Variants in ZC3HAV1 observed in about 807,000 individuals in gnomAD.
The protein encoded by ZC3HAV1 is zinc finger CCCH-type containing, antiviral 1.
Under a neutral mutation model 86.6 loss-of-function variants are expected in ZC3HAV1, and 41 were observed. The observed-to-expected ratio is 0.47, with a 90% confidence interval of 0.37 to 0.61. The LOEUF is 0.61. Among genes scored for constraint, ZC3HAV1 ranks in the 20% least tolerant of loss-of-function variants. ZC3HAV1 has a pLI of 0.00. For synonymous variants in ZC3HAV1, 421 were observed against 432.1 expected, an observed-to-expected ratio of 0.97 and a Z score of 0.32; for missense variants, 964 against 1,141.1, an observed-to-expected ratio of 0.84 and a Z score of 2.24.
chr7:139,101,369 C>T (rs1817756813), intron 1 of ZC3HAV1, among the ~76,000 whole-genome samples: 2 of 146,098 alleles, frequency 1.4e-5, no homozygotes, highest in Non-Finnish European at 3.0e-5. Flanking sequence ...AGCGCCTCTT[C>T]CCGGCCGCCA....
intron 12 of ZC3HAV1, among the ~76,000 whole-genome samples, chr7:139,050,871 T>C (rs1025247609): frequency 2.0e-5 from 3 of 152,202 alleles, no homozygotes; most frequent in African/African-American, 7.2e-5. Flanking sequence ...AATAAATTCA[T>C]TCCCCAGCTT....
At position 139,075,922 on chromosome 7, in the gene ZC3HAV1, C is replaced by T. The variant is rs374170021; in HGVS notation, c.1697+364G>A. 9.8e-5 allele frequency among the ~76,000 whole-genome samples: 15 copies of T among 152,318 alleles called. No homozygotes were observed. In the South Asian group the frequency reaches 1.2e-3, roughly 13 times the overall value. ...CTCTTTTGTCCTAAATCATTTAGTA[C>T]TTTTAATAGTTCTGTGATGAACTGA... On this transcript the variant is annotated intron_variant, in intron 6 of 12. Transcript: ENST00000242351.
At position 139,045,082 on chromosome 7, in the gene ZC3HAV1, A is replaced by C. The variant is rs1563120083; in HGVS notation, c.*2512T>G. ...AGGTCTTCAGTTACAGCTGTGCCCA[A>C]GTTAGGTACCTTTTATTTCCTCTTT... On this transcript the variant is annotated 3_prime_UTR_variant, in exon 13 of 13. Transcript: ENST00000242351. 6.6e-6 allele frequency: 1 copy of C among 152,160 alleles called. No individual in the cohort carries two copies. Among genetic ancestry groups the C allele is most frequent in the Non-Finnish European group, 1.5e-5 (1 of 68,036 alleles). The allele number at this position is 152,160 out of a possible 1,614,324, so 9.4% of individuals were successfully genotyped here.
At chr7:139,107,713 G>T (rs1817976110) in intron 1 of ZC3HAV1, among the ~76,000 whole-genome samples, 1 of 152,228 alleles carries the variant, frequency 6.6e-6, no homozygotes, top group East Asian at 1.9e-4. Flanking sequence ...TGAGGCAGGA[G>T]AATCGCTTGA....
Position 139,084,051 on chromosome 7 carries a change from A to G in ZC3HAV1, c.445-19T>C. ...TGCATATCTACAGAAGGGAGAAACA[A>G]CAGCCAGAGTCAAAACACCTTCTTG... On this transcript the variant is annotated intron_variant, in intron 2 of 12. Coordinates refer to ENST00000242351, the MANE Select transcript of ZC3HAV1 (RefSeq NM_020119.4). 2.5e-6 allele frequency: 4 copies of G among 1,605,792 alleles called. No individual in the cohort carries two copies. The highest frequency in any genetic ancestry group is 1.7e-5 in the Admixed American group (1 of 59,856).
intron 2 of ZC3HAV1, among the ~76,000 whole-genome samples, chr7:139,084,969 T>TG (rs1391188634): frequency 6.6e-6 from 1 of 152,210 alleles, no homozygotes; most frequent in East Asian, 1.9e-4. Context: ...TTTTGCCACA[T>TG]GGATAATCGC....
intron 9 of ZC3HAV1, among the ~76,000 whole-genome samples, chr7:139,058,219 T>A (rs1218797491): frequency 6.8e-6 from 1 of 146,908 alleles, no homozygotes; most frequent in East Asian, 2.1e-4. Flanking sequence ...CTGTTTATTA[T>A]CACTATGTGC....
chr7:139,055,259 A>G lies in ZC3HAV1; in HGVS notation c.2133T>C (p.Thr711=). 6.2e-7 allele frequency: 1 copy of G among 1,613,556 alleles called. No individual in the cohort carries two copies. Among genetic ancestry groups the G allele is most frequent in the Non-Finnish European group, 8.5e-7 (1 of 1,179,650 alleles). ...AGTCCTCCTGAGGACGAAAGGTCGC[A>G]GTTAAAGACACTGACGAGGTCTTTG... ...QPAKTSSVSL[T]ATFRPQEDFC... is the part of the protein sequence containing the mutation. Residue 711 remains threonine (T), a synonymous_variant, in exon 10 of 13, where the codon ACT becomes ACC. Transcript: ENST00000242351.
At position 139,047,404 on chromosome 7, in the gene ZC3HAV1, A is replaced by C. The variant is rs1815991780; in HGVS notation, c.*190T>G. The stretch of plus-strand genomic sequence containing the variant: ...AATGATTTCATTGGCATGGGGTGCA[A>C]CCTGGGCATCAGAATTTGTTTAAAA... On this transcript the variant is annotated 3_prime_UTR_variant, in exon 13 of 13. Transcript: ENST00000242351. The C allele has an allele frequency of 3.1e-6, 2 of 654,566 alleles. No individual in the cohort carries two copies. Among genetic ancestry groups the C allele is most frequent in the Non-Finnish European group, 5.0e-6 (2 of 396,396 alleles). The allele number at this position is 654,566 out of a possible 1,614,324, so 40.5% of individuals were successfully genotyped here. A position where few individuals can be genotyped will look rare whatever the true frequency, so the allele number is the denominator to read the frequency against.
chr7:139,090,804 C>G (rs904917870), intron 1 of ZC3HAV1, among the ~76,000 whole-genome samples: 1 of 152,162 alleles, frequency 6.6e-6, no homozygotes, highest in African/African-American at 2.4e-5. Context: ...TAAATCATGT[C>G]TGCAACTCTC....
chr7:139,078,563 C>T lies in ZC3HAV1; in HGVS notation c.1562G>A (p.Cys521Tyr). 6.3e-7 allele frequency: 1 copy of T among 1,594,338 alleles called. No homozygotes were observed. The highest frequency in any genetic ancestry group is 1.2e-5 in the South Asian group (1 of 86,550). ...CTTAGGTTACTCACCATTAAGCGGA[C>T]AACCCTTACACAGATGGTCAAGACA... Reference protein sequence around the residue: ...EICLDHLCKGCPLNGSCSKVH... With the variant: ...EICLDHLCKGYPLNGSCSKVH... Residue 521 changes from cysteine to tyrosine, a missense_variant, in exon 5 of 13, where the codon TGT becomes TAT. By Grantham distance (194) the Cys-to-Tyr change is radical (BLOSUM62 -2). Transcript: ENST00000242351.
chr7:139,084,003 C>T lies in ZC3HAV1; in HGVS notation c.474G>A (p.Arg158=), dbSNP rs368718217. ...EICKSYKGEG[R]QQICNQQPPC... ...GTGGCTGCTGGTTACAAATCTGCTGCCGACCCTCTCCCTTATAACTTTTGC... is the reference window on the plus strand; with the variant it reads ...GTGGCTGCTGGTTACAAATCTGCTGTCGACCCTCTCCCTTATAACTTTTGC... Residue 158 remains arginine (R), a synonymous_variant, in exon 3 of 13, where the codon CGG becomes CGA. Transcript: ENST00000242351. 2.9e-5 allele frequency: 47 copies of T among 1,613,950 alleles called. No homozygotes were observed. Among genetic ancestry groups the T allele is most frequent in the African/African-American group, 4.0e-5 (3 of 74,888 alleles).
intron 1 of ZC3HAV1, among the ~76,000 whole-genome samples, chr7:139,103,284 AT>A (rs1817832837): frequency 1.6e-5 from 2 of 126,260 alleles, no homozygotes; most frequent in African/African-American, 5.9e-5. Flanking sequence ...TTTTTTTTTT[AT>A]TTTTTGATGG....
At chr7:139,067,792 C>A (rs924628815) in intron 7 of ZC3HAV1, among the ~76,000 whole-genome samples, 4 of 152,102 alleles carry the variant, frequency 2.6e-5, no homozygotes, top group Middle Eastern at 6.8e-3. Context: ...GGAGCCTTCA[C>A]GAGAAAGTGA....
rs1189567999 is a variant in ZC3HAV1 at position 139,064,953 on chromosome 7, G to A, written c.1919C>T (p.Ser640Phe). The stretch of plus-strand genomic sequence containing the variant: ...TCCCCTCGGACAGGATTGATAGAGA[G>A]ACTCCAGGTATGAAGAGTCGACGTT... ...NSNVDSSYLESLYQSCPRGVV... is the reference protein window; with the variant it reads ...NSNVDSSYLEFLYQSCPRGVV... The change falls in exon 8 of 13, where the codon TCT becomes TTT. Residue 640 changes from serine to phenylalanine, a missense_variant. Coordinates refer to ENST00000242351, the MANE Select transcript of ZC3HAV1 (RefSeq NM_020119.4). 2 of 1,614,070 alleles carry A rather than the reference G, an allele frequency of 1.2e-6. No individual in the cohort carries two copies. The highest frequency in any genetic ancestry group is 1.7e-6 in the Non-Finnish European group (2 of 1,180,038).
Position 139,108,887 on chromosome 7 carries a change from A to T in ZC3HAV1, c.308+137T>A. 1 of 1,160,518 alleles carries T rather than the reference A, an allele frequency of 8.6e-7. No individual in the cohort carries two copies. The highest frequency in any genetic ancestry group is 1.2e-6 in the Non-Finnish European group (1 of 837,054). 71.9% of individuals were successfully genotyped at this position (1,160,518 alleles called of 1,614,324 possible). ...TGCAGAGGCTCCCAGAGGGGAGCAG[A>T]GAAGGGAGTGGCTGGAGGCGGAGGC... On this transcript the variant is annotated intron_variant, in intron 1 of 12. Coordinates refer to ENST00000242351, the MANE Select transcript of ZC3HAV1 (RefSeq NM_020119.4). This position sits in a 1 kb window ranked among gnomAD's most constrained non-coding sequence, Gnocchi z 4.2.
At chr7:139,106,407 G>T (rs1038229578) in intron 1 of ZC3HAV1, among the ~76,000 whole-genome samples, 3 of 152,154 alleles carry the variant, frequency 2.0e-5, no homozygotes, top group Non-Finnish European at 4.4e-5. Flanking sequence ...GAGCTCAGGA[G>T]TTCGAGACCG....
chr7:139,084,146 A>C, intron 2 of ZC3HAV1, 114 bp from the exon 3 acceptor site: 1 of 1,382,880 alleles, frequency 7.2e-7, no homozygotes, highest in Non-Finnish European at 9.7e-7. Flanking sequence ...AGATATACCA[A>C]AGGGGGAAAA....
Position 139,076,332 on chromosome 7 carries a change from G to C in ZC3HAV1, c.1651C>G (p.His551Asp). 6.2e-7 allele frequency: 1 copy of C among 1,614,146 alleles called. No individual in the cohort carries two copies. The highest frequency in any genetic ancestry group is 8.5e-7 in the Non-Finnish European group (1 of 1,180,022). Residue 551 changes from histidine (H) to aspartate (D), a missense_variant, in exon 6 of 13, where the codon CAC (histidine) becomes GAC (aspartate). By Grantham distance (81) the His-to-Asp change is moderately conservative. Coordinates refer to ENST00000242351, the MANE Select transcript of ZC3HAV1 (RefSeq NM_020119.4). ...TAGCCTTTCTCGATCGTCTCCATGT[G>C]CTCAAAGTCCGTCCAGGTTTTACCA... is the stretch of plus-strand genomic sequence containing the variant. ...LIGKTWTDFE[H>D]METIEKGYCN...
Sources: gnomAD v4.1 joint callset for allele counts (sites outside exome capture counted in the v4.1 genomes callset) on GRCh38, gnomAD v4.1.1 for gene constraint, Gnocchi (gnomAD v3.1) non-coding constraint, MANE v1.5 for transcripts, NCBI Gene and HGNC (gene_info 2026-07-23, HGNC 2026-07-21) for gene names.